Variants in PHACTR3 observed in about 807,000 individuals in gnomAD.
The protein encoded by PHACTR3 is protein phosphatase 1, regulatory subunit 123.
In PHACTR3, 16 loss-of-function variants were observed where a neutral mutation model predicts 66.8. The observed-to-expected ratio is 0.24, with a 90% CI of 0.16 to 0.36. The LOEUF (loss-of-function observed/expected upper bound fraction) is 0.36. PHACTR3 is among the 10% of genes least tolerant of loss of function. The pLI, the probability that PHACTR3 is intolerant of heterozygous loss-of-function variation, is 1.00. For missense variants in PHACTR3, 647 were observed against 719.9 expected, an observed-to-expected ratio of 0.90 and a Z score of 1.16; for synonymous variants, 323 against 292.1, an observed-to-expected ratio of 1.11 and a Z score of -1.08.
At chr20:59,683,119 A>T (rs778531523) in intron 1 of PHACTR3, among the ~76,000 whole-genome samples, 2 of 152,150 alleles carry the variant, frequency 1.3e-5, no homozygotes, top group Non-Finnish European at 2.9e-5. Flanking sequence ...GAGGGAGCAG[A>T]TGGGGAAACA....
chr20:59,794,016 C>T (rs780841164), intron 7 of PHACTR3, among the ~76,000 whole-genome samples: 4 of 148,160 alleles, frequency 2.7e-5, no homozygotes, highest in Non-Finnish European at 5.9e-5. Context: ...CCCAGCTACT[C>T]GGGAGGCTGA....
intron 8 of PHACTR3, among the ~76,000 whole-genome samples, chr20:59,812,406 T>A (rs1208593195): frequency 6.6e-6 from 1 of 152,152 alleles, no homozygotes; most frequent in Non-Finnish European, 1.5e-5. Flanking sequence ...CCCTCAGGTG[T>A]CCTCCCGGGC....
At chr20:59,693,852 G>GC (rs748891056) in intron 1 of PHACTR3, among the ~76,000 whole-genome samples, 2 of 152,170 alleles carry the variant, frequency 1.3e-5, no homozygotes, top group Non-Finnish European at 2.9e-5. Context: ...AGAGCCCCAG[G>GC]CAAGAGGGAA....
At chr20:59,615,714 G>A (rs2034003782) in intron 1 of PHACTR3, among the ~76,000 whole-genome samples, 2 of 152,310 alleles carry the variant, frequency 1.3e-5, no homozygotes, top group South Asian at 2.1e-4. Context: ...AGCCATGTTA[G>A]TCTTGTGTAG....
intron 1 of PHACTR3, among the ~76,000 whole-genome samples, chr20:59,644,919 A>G (rs1446965482): frequency 5.3e-5 from 8 of 152,172 alleles, no homozygotes; most frequent in Admixed American, 5.2e-4. Context: ...ACCAGGGCAC[A>G]TCGCCTGATG....
rs1445831130 is a variant in PHACTR3, at chr20:59,738,701, C to T, written c.119-4406C>T. On this transcript the variant is annotated intron_variant, in intron 1 of 12. Coordinates refer to ENST00000371015, the MANE Select transcript of PHACTR3 (RefSeq NM_080672.5). This position sits in a 1 kb window ranked among gnomAD's most constrained non-coding sequence, Gnocchi z 4.4. ...TGGCCCTCAGCAGACCCTGATTCCT[C>T]CAGATCCTTCCTGACACTCCCTTCA... is the stretch of plus-strand genomic sequence containing the variant. Among the ~76,000 whole-genome samples, 1 of 152,138 alleles carries T rather than the reference C, an allele frequency of 6.6e-6. No individual in the cohort carries two copies. The highest frequency in any genetic ancestry group is 1.9e-4 in the East Asian group (1 of 5,176).
At chr20:59,705,030 C>T (rs1408075503) in intron 1 of PHACTR3, among the ~76,000 whole-genome samples, 1 of 150,642 alleles carries the variant, frequency 6.6e-6, no homozygotes, top group Admixed American at 6.6e-5. Context: ...CATCTGGGCT[C>T]ACTGCAACCT....
intron 1 of PHACTR3, among the ~76,000 whole-genome samples, chr20:59,732,931 TCCATCAAA>T (rs1185534060): frequency 1.3e-5 from 2 of 152,088 alleles, no homozygotes; most frequent in Admixed American, 1.3e-4. Flanking sequence ...CAGCAGTTAG[TCCATCAAA>T]CAAGGGCTAT....
At chr20:59,719,967 G>A (rs1305531342) in intron 1 of PHACTR3, among the ~76,000 whole-genome samples, 3 of 152,148 alleles carry the variant, frequency 2.0e-5, no homozygotes, top group Admixed American at 6.5e-5. Flanking sequence ...GTTGCATTTT[G>A]TTTTTCCAAA....
chr20:59,757,612 C>A (rs147371839), intron 4 of PHACTR3, among the ~76,000 whole-genome samples: 1 of 152,042 alleles, frequency 6.6e-6, no homozygotes, highest in Non-Finnish European at 1.5e-5. Flanking sequence ...AAAGCAGCGT[C>A]GGTGGTGAAA....
At chr20:59,678,965 T>TGGGGGG (rs576468250) in intron 1 of PHACTR3, among the ~76,000 whole-genome samples, 40 of 74,470 alleles carry the variant, frequency 5.4e-4, no homozygotes, top group African/African-American at 1.3e-3. Flanking sequence ...CTGGGTGGGG[T>TGGGGGG]GGGGGGGCAA....
intron 1 of PHACTR3, among the ~76,000 whole-genome samples, chr20:59,731,684 C>T (rs1266856176): frequency 6.6e-6 from 1 of 152,146 alleles, no homozygotes; most frequent in Non-Finnish European, 1.5e-5. Context: ...AAAGAAGCCA[C>T]TTTAATAATG....
intron 1 of PHACTR3, among the ~76,000 whole-genome samples, chr20:59,682,250 G>A (rs920117875): frequency 2.0e-5 from 3 of 152,284 alleles, no homozygotes; most frequent in South Asian, 2.1e-4. Context: ...TGAGGCAGGA[G>A]AATCGCTCCA....
intron 1 of PHACTR3, among the ~76,000 whole-genome samples, chr20:59,724,017 C>T (rs1284492420): frequency 6.6e-6 from 1 of 152,088 alleles, no homozygotes; most frequent in African/African-American, 2.4e-5. Context: ...ACCTCCTTGC[C>T]CACACCTTTT....
chr20:59,707,489 C>T (rs1045404272), intron 1 of PHACTR3, among the ~76,000 whole-genome samples: 99 of 119,564 alleles, frequency 8.3e-4, no homozygotes, highest in African/African-American at 3.1e-3. Context: ...GAGGCGGAGT[C>T]TCTCTCTGTC....
At chr20:59,623,398 C>G (rs2034330340) in intron 1 of PHACTR3, among the ~76,000 whole-genome samples, 1 of 152,154 alleles carries the variant, frequency 6.6e-6, no homozygotes, top group Admixed American at 6.5e-5. Context: ...CTGTCACATT[C>G]CTGTTACATG....
chr20:59,802,139 GC>G (rs2041431991), intron 7 of PHACTR3, among the ~76,000 whole-genome samples: 1 of 152,182 alleles, frequency 6.6e-6, no homozygotes, highest in South Asian at 2.1e-4. Context: ...TGGGATGCCT[GC>G]TAGAGATCTG....
At chr20:59,774,157 A>T in intron 6 of PHACTR3, 86 bp from the exon 7 acceptor site, 1 of 1,493,888 alleles carries the variant, frequency 6.7e-7, no homozygotes, top group Non-Finnish European at 8.9e-7. Flanking sequence ...TGCCTCTGTG[A>T]TATTCATTAT....
At position 59,830,642 on chromosome 20, in the gene PHACTR3, C is replaced by T. The variant is rs191850745; in HGVS notation, c.1329-5863C>T. Among the ~76,000 whole-genome samples, 28 of 152,264 alleles carry T rather than the reference C, an allele frequency of 1.8e-4. No individual in the cohort carries two copies. Among genetic ancestry groups the T allele is most frequent in the Middle Eastern group, 3.4e-3 (1 of 294 alleles). On this transcript the variant is annotated intron_variant, in intron 8 of 12. Coordinates refer to ENST00000371015, the MANE Select transcript of PHACTR3 (RefSeq NM_080672.5). The surrounding 1 kb of genome is among the most constrained non-coding windows in gnomAD (Gnocchi z 5.8). Reference sequence around the variant, plus strand: ...AGGTGGAAGAGACCTGGGCTCAGCACGCCAGGTGAATAATATCAGTGCTAT... The same window carrying T: ...AGGTGGAAGAGACCTGGGCTCAGCATGCCAGGTGAATAATATCAGTGCTAT...
Sources: gnomAD v4.1 joint callset for allele counts (sites outside exome capture counted in the v4.1 genomes callset) on GRCh38, gnomAD v4.1.1 for gene constraint, Gnocchi (gnomAD v3.1) non-coding constraint, MANE v1.5 for transcripts, NCBI Gene and HGNC (gene_info 2026-07-23, HGNC 2026-07-21) for gene names.